GADL1: variants seen among roughly 807,000 people sequenced by gnomAD.
The protein encoded by GADL1 is GAD like acidic amino acid decarboxylase 1, also known as acidic amino acid decarboxylase GADL1.
A neutral mutation model predicts 69.5 loss-of-function variants in GADL1; 71 were observed. The ratio of observed to expected loss-of-function variants is 1.02; its 90% CI spans 0.84 to 1.25. The LOEUF (loss-of-function observed/expected upper bound fraction) is 1.25. Ranked by LOEUF, GADL1 falls within the 50% of genes most tolerant of loss-of-function variation. The pLI is 0.00. For missense variants in GADL1, 737 were observed against 631.8 expected (o/e 1.17, Z -1.79); for synonymous variants, 254 against 214.4 (o/e 1.18, Z -1.62).
chr3:30,754,597 T>G (rs1559488425), intron 14 of GADL1, among the ~76,000 whole-genome samples: 1 of 150,534 alleles, frequency 6.6e-6, no homozygotes. Context: ...TTCATGGAGT[T>G]TGGAAGATAG....
chr3:30,739,515 A>G (rs1278665371), intron 14 of GADL1, among the ~76,000 whole-genome samples: 3 of 152,188 alleles, frequency 2.0e-5, no homozygotes, highest in African/African-American at 7.2e-5. Flanking sequence ...GTTGTTCATT[A>G]TCCATACAAA....
chr3:30,770,992 TG>T (rs1414145730), intron 14 of GADL1, among the ~76,000 whole-genome samples: 1 of 152,212 alleles, frequency 6.6e-6, no homozygotes, highest in Non-Finnish European at 1.5e-5. Flanking sequence ...ACAAATTTTA[TG>T]CGTTGAAAGA....
At chr3:30,769,275 A>G (rs1368169840) in intron 14 of GADL1, among the ~76,000 whole-genome samples, 1 of 152,154 alleles carries the variant, frequency 6.6e-6, no homozygotes, top group Non-Finnish European at 1.5e-5. Context: ...GCGACTAGTG[A>G]AATACTTATG....
chr3:30,832,352 A>T (rs2125522916), intron 11 of GADL1, among the ~76,000 whole-genome samples: 1 of 152,008 alleles, frequency 6.6e-6, no homozygotes, highest in East Asian at 1.9e-4. Flanking sequence ...AAAAAAAAAA[A>T]ACCCTGTTAA....
At chr3:30,808,482 A>AGC (rs1384098307) in intron 11 of GADL1, among the ~76,000 whole-genome samples, 2 of 142,766 alleles carry the variant, frequency 1.4e-5, no homozygotes, top group Non-Finnish European at 3.0e-5. Flanking sequence ...TGGGCGACAG[A>AGC]GCAGGACTCT....
At chr3:30,751,933 C>T (rs1222042950) in intron 14 of GADL1, among the ~76,000 whole-genome samples, 4 of 152,214 alleles carry the variant, frequency 2.6e-5, no homozygotes, top group Non-Finnish European at 4.4e-5. Flanking sequence ...CATTGAATGG[C>T]AAAGGGTAAT....
intron 1 of GADL1, among the ~76,000 whole-genome samples, chr3:30,878,409 T>C (rs111659468): frequency 5.9e-4 from 90 of 152,040 alleles, no homozygotes; most frequent in African/African-American, 2.1e-3. Flanking sequence ...AGTAGTCTTT[T>C]TGGCCCATGA....
Position 30,751,987 on chromosome 3 carries a change from CTGTCTAAA to C in GADL1, c.1393-23580_1393-23573del, listed in dbSNP as rs563538809. On this transcript the variant is annotated intron_variant, in intron 14 of 14. Coordinates refer to ENST00000282538, the MANE Select transcript of GADL1 (RefSeq NM_207359.3). ...AACAACAGCAAAGACTTACTGATGG[CTGTCTAAA>C]TAAGATAGGACGATTCTGAAATTAA... Among the ~76,000 whole-genome samples, 121 of 144,236 alleles carry C rather than the reference CTGTCTAAA, an allele frequency of 8.4e-4. 5 individuals are homozygous for C. In the South Asian group the frequency reaches 0.024, roughly 28 times the overall value. 94.6% of individuals were successfully genotyped at this position (144,236 alleles called of 152,430 possible).
chr3:30,770,774 G>A, intron 14 of GADL1, among the ~76,000 whole-genome samples: 1 of 151,678 alleles, frequency 6.6e-6, no homozygotes, highest in Non-Finnish European at 1.5e-5. Flanking sequence ...GCTAAACTCA[G>A]AACTTATGCC....
chr3:30,838,841 A>T (rs1697916653), intron 9 of GADL1, among the ~76,000 whole-genome samples, 156 bp downstream of exon 9: 1 of 152,198 alleles, frequency 6.6e-6, no homozygotes, highest in South Asian at 2.1e-4. Flanking sequence ...TCTCATTTAT[A>T]CTTTACAAGA....
intron 14 of GADL1, among the ~76,000 whole-genome samples, chr3:30,754,696 G>GT (rs1474677944): frequency 4.6e-5 from 7 of 152,136 alleles, no homozygotes; most frequent in African/African-American, 1.7e-4. Flanking sequence ...AAGAGCTCTG[G>GT]TTCTTCTAAA....
At chr3:30,864,122 T>C (rs1407475423) in intron 1 of GADL1, among the ~76,000 whole-genome samples, 4 of 152,042 alleles carry the variant, frequency 2.6e-5, no homozygotes, top group Non-Finnish European at 5.9e-5. Context: ...GCTCTGCACC[T>C]GAAGGTACTT....
chr3:30,768,558 A>AG (rs1377689722), intron 14 of GADL1, among the ~76,000 whole-genome samples: 1 of 79,398 alleles, frequency 1.3e-5, no homozygotes, highest in Non-Finnish European at 3.1e-5. Context: ...AGGGGGAGAG[A>AG]GAAGGGGTGG....
In GADL1 at chr3:30,816,541, T is replaced by G. The variant is rs1443533123; in HGVS notation, c.1051-15453A>C. On this transcript the variant is annotated intron_variant, in intron 11 of 14. Transcript: ENST00000282538. ...TCTTAATTTGTTTTCTTTTTTTTTT[T>G]TTTTTTTTTTTTTTTTTTTTTTTTT... is the stretch of plus-strand genomic sequence containing the variant. Among the ~76,000 whole-genome samples, 108 of 62,282 alleles carry G rather than the reference T, an allele frequency of 1.7e-3. 4 individuals are homozygous for G. The highest frequency in any genetic ancestry group is 6.2e-3 in the African/African-American group (91 of 14,692). 40.9% of individuals were successfully genotyped at this position (62,282 alleles called of 152,430 possible).
At chr3:30,877,244 T>C (rs1426419413) in intron 1 of GADL1, among the ~76,000 whole-genome samples, 1 of 151,904 alleles carries the variant, frequency 6.6e-6, no homozygotes, top group Non-Finnish European at 1.5e-5. Flanking sequence ...TTTCCATGAA[T>C]CTATGCAGCC....
chr3:30,857,088 C>G lies in GADL1; in HGVS notation c.264G>C (p.Met88Ile). Residue 88 changes from methionine to isoleucine, a missense_variant, in exon 3 of 15, where the codon ATG (methionine) becomes ATC (isoleucine). Met to Ile is a conservative substitution (Grantham distance 10). Transcript: ENST00000282538. ...TATGGGGTGGCTCGCCTGAGTCTCT[C>G]ATCTCCAAATCAAGAAGCTGTTTCA... is the stretch of plus-strand genomic sequence containing the variant. ...EQLKQLLDLE[M>I]RDSGEPPHKL... 6.5e-7 allele frequency: 1 copy of G among 1,550,014 alleles called. No individual in the cohort carries two copies. The highest frequency in any genetic ancestry group is 8.7e-7 in the Non-Finnish European group (1 of 1,145,694).
At position 30,850,952 on chromosome 3, in the gene GADL1, AT is replaced by A; in HGVS notation, c.429-12del. On this transcript the variant is annotated splice_polypyrimidine_tract_variant and intron_variant, in intron 4 of 14. Coordinates refer to ENST00000282538, the MANE Select transcript of GADL1 (RefSeq NM_207359.3). Reference sequence around the variant, plus strand: ...ACCTCATACGTATAACTAGATAGATATAAAAAACACTTCACTTCTATGACTA... The same window carrying A: ...ACCTCATACGTATAACTAGATAGATAAAAAAACACTTCACTTCTATGACTA... 1 of 1,428,640 alleles carries A rather than the reference AT, an allele frequency of 7.0e-7. No homozygotes were observed. 88.5% of individuals were successfully genotyped at this position (1,428,640 alleles called of 1,614,324 possible). A position where few individuals can be genotyped will look rare whatever the true frequency, so the allele number is the denominator to read the frequency against.
At chr3:30,854,437 C>T (rs1023639542) in intron 4 of GADL1, among the ~76,000 whole-genome samples, 5 of 152,034 alleles carry the variant, frequency 3.3e-5, no homozygotes, top group African/African-American at 1.2e-4. Flanking sequence ...CATGCAAGAA[C>T]AAATAAAAAA....
intron 14 of GADL1, among the ~76,000 whole-genome samples, chr3:30,759,219 A>G (rs1696060505): frequency 6.6e-6 from 1 of 151,946 alleles, no homozygotes; most frequent in African/African-American, 2.4e-5. Context: ...GGACTTAGAC[A>G]TCTGTCTCTT....
Sources: allele counts gnomAD v4.1 joint callset (sites outside exome capture counted in the v4.1 genomes callset), GRCh38; gene constraint gnomAD v4.1.1; transcripts MANE v1.5; gene names NCBI Gene and HGNC (gene_info 2026-07-23, HGNC 2026-07-21).